JAK1: variants seen among roughly 807,000 people sequenced by gnomAD.
JAK1 encodes Janus kinase 1, also known as tyrosine-protein kinase JAK1.
JAK1 carries 16 observed loss-of-function variants against 136.6 expected under a neutral mutation model. The observed-to-expected ratio is 0.12, with a 90% CI of 0.08 to 0.18. JAK1 has a LOEUF of 0.18. Among genes scored for constraint, JAK1 ranks in the 10% least tolerant of loss-of-function variants. The pLI is 1.00. For synonymous variants in JAK1, 492 were observed against 519.5 expected, an observed-to-expected ratio of 0.95 and a Z score of 0.72; for missense variants, 859 against 1,450.1, an observed-to-expected ratio of 0.59 and a Z score of 6.62.
intron 2 of JAK1, chr1:64,985,316 G>C: frequency 6.2e-7 from 1 of 1,610,762 alleles, no homozygotes; most frequent in East Asian, 2.2e-5. Flanking sequence ...ATACTCTAAA[G>C]AGCTCCAGCA....
At chr1:65,012,910 G>A (rs1184555889) in intron 2 of JAK1, among the ~76,000 whole-genome samples, 2 of 151,182 alleles carry the variant, frequency 1.3e-5, no homozygotes, top group South Asian at 2.1e-4. Flanking sequence ...TGGCTAACAC[G>A]GTGAAACCCC....
At chr1:64,902,201 T>C (rs1218752313) in intron 1 of JAK1, among the ~76,000 whole-genome samples, 1 of 152,168 alleles carries the variant, frequency 6.6e-6, no homozygotes, top group East Asian at 1.9e-4. Flanking sequence ...CCAAATGTCA[T>C]TGTAGCTAGT....
rs1383957247 is a variant in JAK1, at chr1:64,905,505, TAAAG to T, written c.-77-19168_-77-19165del. 5.9e-5 allele frequency among the ~76,000 whole-genome samples: 9 copies of T among 152,268 alleles called. 1 individual carries two copies. Among genetic ancestry groups the T allele is most frequent in the Non-Finnish European group, 1.0e-4 (7 of 68,012 alleles). On this transcript the variant is annotated intron_variant, in intron 1 of 24. Coordinates refer to ENST00000342505, the MANE Select transcript of JAK1 (RefSeq NM_002227.4). The stretch of plus-strand genomic sequence containing the variant: ...ACTGCTATATATATTTCTGGACTAA[TAAAG>T]AAAGAAATAATCGTATTGAAAGCAG...
At position 64,989,541 on chromosome 1, in the gene JAK1, G is replaced by C. The variant is rs564216308; in HGVS notation, c.-78+54939C>G. 6 of 89,648 alleles carry C rather than the reference G, an allele frequency of 6.7e-5. No individual in the cohort carries two copies. The South Asian group carries it at 1.3e-3, about 20-fold the overall frequency. 5.6% of individuals were successfully genotyped at this position (89,648 alleles called of 1,614,324 possible). On this transcript the variant is annotated intron_variant, in intron 2 of 25. Coordinates refer to the JAK1 transcript ENST00000671954. ...TTATTTGCAAATTATTGTGTAGATC[G>C]GTTTTAACCTGTCTGTACGTGAAGG... is the stretch of plus-strand genomic sequence containing the variant.
At chr1:64,890,151 T>C (rs1644913114) in intron 1 of JAK1, among the ~76,000 whole-genome samples, 2 of 152,166 alleles carry the variant, frequency 1.3e-5, no homozygotes, top group Admixed American at 1.3e-4. Context: ...ATTTTAAGAC[T>C]AAAAATCTTA....
chr1:64,851,792 C>A (rs563734524), intron 11 of JAK1, among the ~76,000 whole-genome samples: 1 of 152,348 alleles, frequency 6.6e-6, no homozygotes, highest in South Asian at 2.1e-4. Context: ...TGTATGTTTT[C>A]ATCAATTTTA....
chr1:64,960,618 C>T (rs978592483), intron 1 of JAK1, among the ~76,000 whole-genome samples: 11 of 152,186 alleles, frequency 7.2e-5, no homozygotes, highest in African/African-American at 2.4e-4. Context: ...AACCTTCTCT[C>T]GCAGCTCACT....
chr1:64,969,178 T>C (rs1236597551), upstream of JAK1, among the ~76,000 whole-genome samples: 4 of 151,674 alleles, frequency 2.6e-5, no homozygotes, highest in African/African-American at 9.7e-5. Flanking sequence ...ATGCAAAAAC[T>C]TTTGCCTAAA....
In JAK1 at chr1:64,847,630, T is replaced by A; in HGVS notation, c.1801A>T (p.Thr601Ser). The A allele has an allele frequency of 2.5e-6, 4 of 1,614,100 alleles. No homozygotes were observed. Among genetic ancestry groups the A allele is most frequent in the Non-Finnish European group, 8.5e-7 (1 of 1,179,998 alleles). The stretch of plus-strand genomic sequence containing the variant: ...TCGTCATCCTTGTAATCCATCAGGG[T>A]CCCAGAATAGATGTGTGTTCTCGTG... ...RGTRTHIYSGTLMDYKDDEGT... is the reference protein window; with the variant it reads ...RGTRTHIYSGSLMDYKDDEGT... The change falls in exon 13 of 25, where the codon ACC becomes TCC. Residue 601 changes from threonine (T) to serine (S), a missense_variant. This residue lies in a region of JAK1 where 409 missense variants were observed against 753.8 expected (regional missense o/e 0.54). Coordinates refer to ENST00000342505, the MANE Select transcript of JAK1 (RefSeq NM_002227.4).
chr1:65,048,107 GAAGAA>G (rs1307289413), intron 1 of JAK1, among the ~76,000 whole-genome samples: 1 of 152,176 alleles, frequency 6.6e-6, no homozygotes, highest in Non-Finnish European at 1.5e-5. Context: ...TTTGCAGGTG[GAAGAA>G]AAGAATCAAT....
chr1:64,855,827 A>T (rs1458296737), intron 10 of JAK1, 129 bp from the exon 11 acceptor site: 3 of 674,024 alleles, frequency 4.5e-6, no homozygotes, highest in Non-Finnish European at 7.3e-6. Context: ...CTGTAAATCT[A>T]AAATTATTCA....
chr1:64,899,940 T>C (rs1323619427), intron 1 of JAK1, among the ~76,000 whole-genome samples: 1 of 152,134 alleles, frequency 6.6e-6, no homozygotes, highest in Non-Finnish European at 1.5e-5. Context: ...GGTGACAAAA[T>C]GGATGGGGAG....
At chr1:64,951,860 G>A (rs925375668) in intron 1 of JAK1, among the ~76,000 whole-genome samples, 33 of 152,006 alleles carry the variant, frequency 2.2e-4, no homozygotes, top group Non-Finnish European at 3.2e-4. Flanking sequence ...GGGTTTCACC[G>A]TGTTAGCTAG....
chr1:64,872,167 T>C (rs1657111538), intron 5 of JAK1, among the ~76,000 whole-genome samples: 1 of 152,236 alleles, frequency 6.6e-6, no homozygotes, highest in Non-Finnish European at 1.5e-5. Flanking sequence ...AAGACATTTT[T>C]GGTCATCACT....
intron 2 of JAK1, among the ~76,000 whole-genome samples, chr1:64,977,012 CCCTTTG>C (rs1646502407): frequency 6.6e-6 from 1 of 152,190 alleles, no homozygotes. Context: ...TTGTATTTCT[CCCTTTG>C]ATCTGATTGC....
intron 1 of JAK1, among the ~76,000 whole-genome samples, chr1:65,045,470 G>A (rs925782805): frequency 5.3e-5 from 8 of 152,152 alleles, no homozygotes; most frequent in African/African-American, 1.2e-4. Context: ...TCTCTGTGAT[G>A]TGGCATTTGT....
At chr1:65,010,204 A>T (rs1260249486) in intron 2 of JAK1, among the ~76,000 whole-genome samples, 1 of 152,180 alleles carries the variant, frequency 6.6e-6, no homozygotes, top group Non-Finnish European at 1.5e-5. Context: ...CTTCTAATGG[A>T]TAGAATAAAG....
intron 11 of JAK1, among the ~76,000 whole-genome samples, chr1:64,854,711 C>A (rs1655812281): frequency 6.6e-6 from 1 of 152,158 alleles, no homozygotes; most frequent in Non-Finnish European, 1.5e-5. Context: ...CCTGATCCTC[C>A]CTGGCCCCTA....
intron 1 of JAK1, among the ~76,000 whole-genome samples, chr1:64,933,702 T>A (rs1645737925): frequency 6.6e-6 from 1 of 152,196 alleles, no homozygotes; most frequent in Non-Finnish European, 1.5e-5. Flanking sequence ...AGGATCTGCA[T>A]GTCTCTGACT....
Sources: allele counts gnomAD v4.1 joint callset (sites outside exome capture counted in the v4.1 genomes callset), GRCh38; gene constraint gnomAD v4.1.1; regional missense constraint gnomAD v4.1.1; transcripts MANE v1.5; gene names NCBI Gene and HGNC (gene_info 2026-07-23, HGNC 2026-07-21).